The following AATK variants were observed in gnomAD, a reference collection of about 807,000 sequenced individuals.
AATK encodes the protein serine/threonine-protein kinase LMTK1.
A neutral mutation model predicts 114.3 loss-of-function variants in AATK; 91 were observed. The observed-to-expected ratio is 0.80, with a 90% CI of 0.67 to 0.95. The LOEUF is 0.95. Among genes scored for constraint, AATK ranks in the 40% least tolerant of loss-of-function variants. AATK has a pLI of 0.00. For synonymous variants in AATK, 1,075 were observed against 916.5 expected, an observed-to-expected ratio of 1.17 and a Z score of -3.12; for missense variants, 2,176 against 1,965.2, an observed-to-expected ratio of 1.11 and a Z score of -2.03.
At chr17:81,139,321 G>A (rs1205986030) in intron 1 of AATK, among the ~76,000 whole-genome samples, 1 of 152,198 alleles carries the variant, frequency 6.6e-6, no homozygotes, top group Non-Finnish European at 1.5e-5. Flanking sequence ...CAGGTGGGGA[G>A]GCCTCTGTAG....
chr17:81,119,457 C>T lies in AATK; in HGVS notation c.4007G>A (p.Arg1336His). ...APTPTPAPFS[R>H]FTVSPAPTSR... Reference sequence around the variant, plus strand: ...CGTGGGCGCGGGCGACACCGTGAAGCGCGAGAAGGGAGCGGGCGTGGGCGT... The same window carrying T: ...CGTGGGCGCGGGCGACACCGTGAAGTGCGAGAAGGGAGCGGGCGTGGGCGT... The change falls in exon 13 of 14, where the codon CGC becomes CAC. Residue 1336 changes from arginine (R) to histidine (H), a missense_variant. This residue lies in a region of AATK where 1,701 missense variants were observed against 1,394.7 expected (regional missense o/e 1.22). Coordinates refer to ENST00000326724, the MANE Select transcript of AATK (RefSeq NM_001080395.3). 4 of 1,513,036 alleles carry T rather than the reference C, an allele frequency of 2.6e-6. No individual in the cohort carries two copies. The allele number at this position is 1,513,036 out of a possible 1,614,324, so 93.7% of individuals were successfully genotyped here.
rs370515716 is a variant in AATK, at chr17:81,148,709, TGCAC to T, written c.56-14212_56-14209del. Among the ~76,000 whole-genome samples the T allele has an allele frequency of 2.9e-3, 435 of 152,136 alleles. 3 individuals are homozygous for T. The highest frequency in any genetic ancestry group is 0.01 in the African/African-American group (419 of 41,502). On this transcript the variant is annotated intron_variant, in intron 1 of 13. Transcript: ENST00000326724. ...GCATACAGACACACGGGCACACACT[TGCAC>T]ACACACACACACGTGCTCTCAGACA...
intron 9 of AATK, among the ~76,000 whole-genome samples, chr17:81,124,022 G>A (rs909576631): frequency 6.6e-6 from 1 of 152,188 alleles, no homozygotes; most frequent in Admixed American, 6.5e-5. Flanking sequence ...GGGCACCTTG[G>A]TGGAGAGGTG....
chr17:81,136,885 A>G (rs1253759587), intron 1 of AATK, among the ~76,000 whole-genome samples: 1 of 152,176 alleles, frequency 6.6e-6, no homozygotes, highest in African/African-American at 2.4e-5. Flanking sequence ...CAGTGCCCAG[A>G]GCAGCAGAAA....
At chr17:81,138,805 T>C (rs375040925) in intron 1 of AATK, among the ~76,000 whole-genome samples, 2 of 101,620 alleles carry the variant, frequency 2.0e-5, no homozygotes, top group Admixed American at 1.0e-4. Flanking sequence ...AATACCCACT[T>C]GCGCGTGCAC....
chr17:81,151,662 C>CA (rs1035252306), intron 1 of AATK, among the ~76,000 whole-genome samples: 3 of 152,140 alleles, frequency 2.0e-5, no homozygotes, highest in Non-Finnish European at 2.9e-5. Context: ...ATCATAATCC[C>CA]AAAAGACACC....
chr17:81,153,860 C>A (rs1281173706), intron 1 of AATK, among the ~76,000 whole-genome samples: 1 of 152,126 alleles, frequency 6.6e-6, no homozygotes, highest in Non-Finnish European at 1.5e-5. Flanking sequence ...CACCTGAGGT[C>A]AGGAGTTCGA....
chr17:81,150,747 CA>C (rs2061284414), intron 1 of AATK, among the ~76,000 whole-genome samples: 1 of 152,214 alleles, frequency 6.6e-6, no homozygotes, highest in South Asian at 2.1e-4. Flanking sequence ...GGCAGACAGA[CA>C]GGGGCCTCTC....
chr17:81,143,446 TG>T (rs1373269629), intron 1 of AATK, among the ~76,000 whole-genome samples: 1 of 149,606 alleles, frequency 6.7e-6, no homozygotes, highest in African/African-American at 2.5e-5. Flanking sequence ...CAGCTCTGCC[TG>T]GGGCCATGCA....
chr17:81,127,159 G>A lies in AATK; in HGVS notation c.621+424C>T, dbSNP rs888816200. Among the ~76,000 whole-genome samples the A allele has an allele frequency of 2.6e-4, 39 of 151,738 alleles. No homozygotes were observed. In the East Asian group the frequency reaches 4.1e-3, roughly 16 times the overall value. ...GGGACAGGTCCCCGGGGCGGGGGGCGTTGATGGGCAGGCCCAGAACTCCAG... is the reference window on the plus strand; with the variant it reads ...GGGACAGGTCCCCGGGGCGGGGGGCATTGATGGGCAGGCCCAGAACTCCAG... On this transcript the variant is annotated intron_variant, in intron 6 of 13. Coordinates refer to ENST00000326724, the MANE Select transcript of AATK (RefSeq NM_001080395.3).
rs554007171 is a variant in AATK, at chr17:81,121,875, G to A, written c.2061C>T (p.Asn687=). 3 of 1,598,766 alleles carry A rather than the reference G, an allele frequency of 1.9e-6. No homozygotes were observed. Among genetic ancestry groups the A allele is most frequent in the Non-Finnish European group, 8.5e-7 (1 of 1,178,636 alleles). The change falls in exon 11 of 14, where the codon AAC becomes AAT. Residue 687 remains asparagine, a synonymous_variant. Coordinates refer to ENST00000326724, the MANE Select transcript of AATK (RefSeq NM_001080395.3). ...HWRSNVSANN[N]SGSRCPESWD... is the part of the protein sequence containing the mutation. Reference sequence around the variant, plus strand: ...AGGACTCTGGACAGCGGCTGCCGCTGTTGTTGTTGGCTGACACGTTGGAGC... The same window carrying A: ...AGGACTCTGGACAGCGGCTGCCGCTATTGTTGTTGGCTGACACGTTGGAGC...
chr17:81,157,985 G>A lies in AATK; in HGVS notation c.55+7953C>T, dbSNP rs1433900420. 4.6e-5 allele frequency among the ~76,000 whole-genome samples: 7 copies of A among 152,212 alleles called. No homozygotes were observed. In the South Asian group the frequency reaches 8.3e-4, roughly 18 times the overall value. On this transcript the variant is annotated intron_variant, in intron 1 of 13. Coordinates refer to ENST00000326724, the MANE Select transcript of AATK (RefSeq NM_001080395.3). ...CAGCTGGCCCCCTACAGACCTGCAC[G>A]GACTGAGTCCCTCCCTCAGTGCTGG...
chr17:81,123,637 G>A (rs1423928758), intron 9 of AATK, among the ~76,000 whole-genome samples: 1 of 151,854 alleles, frequency 6.6e-6, no homozygotes, highest in Non-Finnish European at 1.5e-5. Context: ...CTGAAGACCA[G>A]ACACTGCCCG....
intron 1 of AATK, among the ~76,000 whole-genome samples, chr17:81,147,144 C>T (rs952370449): frequency 6.6e-6 from 1 of 151,408 alleles, no homozygotes; most frequent in African/African-American, 2.4e-5. Context: ...AGACAGATCA[C>T]GAAGTCGGGA....
chr17:81,151,116 G>C (rs1426589401), intron 1 of AATK, among the ~76,000 whole-genome samples: 1 of 152,158 alleles, frequency 6.6e-6, no homozygotes, highest in Non-Finnish European at 1.5e-5. Context: ...GAACTTTGTG[G>C]GCTGGGGAAC....
Position 81,122,529 on chromosome 17 carries a change from G to A in AATK, c.1407C>T (p.Thr469=), listed in dbSNP as rs754947879. Residue 469 remains threonine (T), a synonymous_variant, in exon 11 of 14, where the codon ACC becomes ACT. Transcript: ENST00000326724. ...HADGDDVLTV[T]ETSRGLNFEY... ...CAAAATTGAGGCCTCGGCTGGTCTC[G>A]GTCACCGTCAGCACGTCGTCGCCGT... 19 of 1,481,116 alleles carry A rather than the reference G, an allele frequency of 1.3e-5. No homozygotes were observed. Among genetic ancestry groups the A allele is most frequent in the South Asian group, 3.7e-5 (3 of 80,462 alleles). 91.7% of individuals were successfully genotyped at this position (1,481,116 alleles called of 1,614,324 possible). A position where few individuals can be genotyped will look rare whatever the true frequency, so the allele number is the denominator to read the frequency against.
intron 2 of AATK, among the ~76,000 whole-genome samples, chr17:81,131,479 A>C (rs964760824): frequency 6.6e-6 from 1 of 152,008 alleles, no homozygotes; most frequent in African/African-American, 2.4e-5. Flanking sequence ...AGCCAAGAGG[A>C]CCCATCTCAG....
At position 81,126,862 on chromosome 17, in the gene AATK, T is replaced by G; in HGVS notation, c.622-302A>C. Reference sequence around the variant, plus strand: ...ACAGGGCCCAAGTGGATCTGCTTGATGGAGTCTGGGGCTGGTGGTCGAGGG... The same window carrying G: ...ACAGGGCCCAAGTGGATCTGCTTGAGGGAGTCTGGGGCTGGTGGTCGAGGG... On this transcript the variant is annotated intron_variant, in intron 6 of 13. Transcript: ENST00000326724. This position sits in a 1 kb window ranked among gnomAD's most constrained non-coding sequence, Gnocchi z 5.1. 8.3e-7 allele frequency: 1 copy of G among 1,206,984 alleles called. No individual in the cohort carries two copies. Among genetic ancestry groups the G allele is most frequent in the Non-Finnish European group, 1.0e-6 (1 of 966,664 alleles). The allele number at this position is 1,206,984 out of a possible 1,614,324, so 74.8% of individuals were successfully genotyped here. A position where few individuals can be genotyped will look rare whatever the true frequency, so the allele number is the denominator to read the frequency against.
chr17:81,151,875 T>C (rs543336891), intron 1 of AATK, among the ~76,000 whole-genome samples: 5 of 152,308 alleles, frequency 3.3e-5, no homozygotes, highest in East Asian at 3.9e-4. Context: ...AACTTAATCA[T>C]AGAAGAAGTG....
Sources: gnomAD v4.1 joint callset for allele counts (sites outside exome capture counted in the v4.1 genomes callset) on GRCh38, gnomAD v4.1.1 for gene constraint, gnomAD v4.1.1 regional missense constraint, Gnocchi (gnomAD v3.1) non-coding constraint, MANE v1.5 for transcripts, NCBI Gene and HGNC (gene_info 2026-07-23, HGNC 2026-07-21) for gene names.